The following PRKN variants were observed in gnomAD, a reference collection of about 807,000 sequenced individuals.
The protein encoded by PRKN is parkin RBR E3 ubiquitin protein ligase.
PRKN carries 56 observed loss-of-function variants against 59.5 expected under a neutral mutation model. That is an observed-to-expected ratio of 0.94 (90% confidence interval 0.76 to 1.18). The LOEUF is 1.18. Among genes scored for constraint, PRKN ranks in the 50% most tolerant of loss-of-function variants. PRKN has a pLI of 0.00. For synonymous variants in PRKN, 250 were observed against 222.1 expected (o/e 1.13, Z -1.12); for missense variants, 657 against 596.4 (o/e 1.10, Z -1.06).
At chr6:161,861,655 C>T (rs933731112) in intron 6 of PRKN, among the ~76,000 whole-genome samples, 3 of 151,322 alleles carry the variant, frequency 2.0e-5, no homozygotes, top group African/African-American at 4.9e-5. Context: ...TCAGTTGCAC[C>T]CCTTTTTCTT....
chr6:162,536,978 T>C (rs35931896), intron 1 of PRKN, among the ~76,000 whole-genome samples: 30,852 of 152,080 alleles, frequency 0.2, 3,288 homozygotes, highest in South Asian at 0.3. Context: ...ACCAATTGTA[T>C]GTTTTTAAAG....
At chr6:161,535,023 A>ACAT (rs1321998359) in intron 9 of PRKN, among the ~76,000 whole-genome samples, 3 of 152,254 alleles carry the variant, frequency 2.0e-5, no homozygotes, top group Non-Finnish European at 1.5e-5. Context: ...CAAAAGCTTT[A>ACAT]GTCTGTGGTA....
At chr6:161,997,152 T>C (rs1350627373) in intron 5 of PRKN, among the ~76,000 whole-genome samples, 1 of 152,202 alleles carries the variant, frequency 6.6e-6, no homozygotes, top group Non-Finnish European at 1.5e-5. Flanking sequence ...AATTCCATTC[T>C]ACTTCTTGGT....
chr6:161,971,897 G>C (rs1780823614), intron 6 of PRKN, among the ~76,000 whole-genome samples: 1 of 152,012 alleles, frequency 6.6e-6, no homozygotes, highest in South Asian at 2.1e-4. Context: ...AAATGATTAG[G>C]GTATATGACT....
intron 6 of PRKN, among the ~76,000 whole-genome samples, chr6:161,805,251 A>C (rs1319660933): frequency 6.6e-6 from 1 of 152,020 alleles, no homozygotes; most frequent in East Asian, 1.9e-4. Context: ...TCAACTTGAA[A>C]CTGCCTGTTC....
At chr6:161,977,533 GTTTTTTTGGT>G (rs1200693034) in intron 5 of PRKN, among the ~76,000 whole-genome samples, 1 of 80,672 alleles carries the variant, frequency 1.2e-5, no homozygotes, top group African/African-American at 4.9e-5. Context: ...TCTACTTTCT[GTTTTTTTGGT>G]TTTTTTTTTT....
Position 161,470,041 on chromosome 6 carries a change from A to AT in PRKN, c.1083+78812dup, listed in dbSNP as rs1486065309. Among the ~76,000 whole-genome samples, 1 of 152,194 alleles carries AT rather than the reference A, an allele frequency of 6.6e-6. No individual in the cohort carries two copies. The stretch of plus-strand genomic sequence containing the variant: ...CATCCAACATACATAGTTTCCTTCA[A>AT]TTCACCAAGGTAGGCACTCTTAAAA... On this transcript the variant is annotated intron_variant, in intron 9 of 11. Coordinates refer to ENST00000366898, the MANE Select transcript of PRKN (RefSeq NM_004562.3). The surrounding 1 kb of genome is among the most constrained non-coding windows in gnomAD (Gnocchi z 5.1).
At chr6:161,840,104 C>G (rs1401598056) in intron 6 of PRKN, among the ~76,000 whole-genome samples, 1 of 152,212 alleles carries the variant, frequency 6.6e-6, no homozygotes, top group Non-Finnish European at 1.5e-5. Flanking sequence ...AAGGGTTCAA[C>G]CCTCAACACA....
At chr6:161,387,004 T>C in intron 9 of PRKN, 127 bp from the exon 10 acceptor site, 1 of 783,818 alleles carries the variant, frequency 1.3e-6, no homozygotes, top group South Asian at 1.4e-5. Context: ...ATAAAAATAC[T>C]TTTTTTGCAA....
chr6:162,498,793 G>A (rs1793219219), intron 1 of PRKN, among the ~76,000 whole-genome samples: 1 of 151,226 alleles, frequency 6.6e-6, no homozygotes, highest in African/African-American at 2.5e-5. Context: ...GAAAGAAATT[G>A]TATTATTCTG....
intron 4 of PRKN, among the ~76,000 whole-genome samples, chr6:162,131,421 T>G (rs1052135902): frequency 1.3e-5 from 2 of 152,232 alleles, no homozygotes; most frequent in African/African-American, 4.8e-5. Flanking sequence ...TCTATAAAAA[T>G]CAGCCAATGA....
chr6:162,505,084 G>C lies in PRKN; in HGVS notation c.8-61611C>G, dbSNP rs553307297. ...AGAGCAATGAGCACTTCCATAAACT[G>C]CCAGTGGCCACGTAGGAGTTTATTT... On this transcript the variant is annotated intron_variant, in intron 1 of 11. Coordinates refer to ENST00000366898, the MANE Select transcript of PRKN (RefSeq NM_004562.3). 2.0e-5 allele frequency among the ~76,000 whole-genome samples: 3 copies of C among 152,242 alleles called. No individual in the cohort carries two copies. The South Asian group carries it at 6.2e-4, about 32-fold the overall frequency.
Position 162,265,598 on chromosome 6 carries a change from G to T in PRKN, c.172-2833C>A, listed in dbSNP as rs568530121. Among the ~76,000 whole-genome samples the T allele has an allele frequency of 5.3e-5, 8 of 152,270 alleles. No individual in the cohort carries two copies. In the South Asian group the frequency reaches 1.7e-3, roughly 32 times the overall value. ...CCCAGCTACTCAAGAGGCTGAGGCA[G>T]GAGAATCACTTAAACCCAGGAGGCG... On this transcript the variant is annotated intron_variant, in intron 2 of 11. Coordinates refer to ENST00000366898, the MANE Select transcript of PRKN (RefSeq NM_004562.3).
At chr6:162,673,118 T>C (rs1005380234) in intron 1 of PRKN, among the ~76,000 whole-genome samples, 4 of 152,164 alleles carry the variant, frequency 2.6e-5, no homozygotes, top group Admixed American at 1.3e-4. Context: ...TGCCCATCCA[T>C]TTATTTCTCC....
intron 5 of PRKN, among the ~76,000 whole-genome samples, chr6:162,010,253 A>C (rs1318101097): frequency 8.2e-6 from 1 of 121,990 alleles, no homozygotes; most frequent in Non-Finnish European, 1.7e-5. Flanking sequence ...TATTATACAT[A>C]ATATATATTT....
intron 6 of PRKN, among the ~76,000 whole-genome samples, chr6:161,935,735 G>A (rs1396062419): frequency 6.6e-6 from 1 of 152,088 alleles, no homozygotes; most frequent in Non-Finnish European, 1.5e-5. Context: ...CCAAAGAAAT[G>A]AGCAGTTTAC....
chr6:162,339,467 A>C (rs1784054158), intron 2 of PRKN, among the ~76,000 whole-genome samples: 1 of 139,240 alleles, frequency 7.2e-6, no homozygotes, highest in Non-Finnish European at 1.6e-5. Flanking sequence ...CCTACTGGGA[A>C]GTGAGGAGCC....
chr6:161,894,690 G>C (rs1230940818), intron 6 of PRKN, among the ~76,000 whole-genome samples: 1 of 152,164 alleles, frequency 6.6e-6, no homozygotes, highest in Non-Finnish European at 1.5e-5. Context: ...TTCTCTATGG[G>C]AACGTTTTCA....
In PRKN at chr6:162,442,668, T is replaced by C. The variant is rs111844433; in HGVS notation, c.171+642A>G. Among the ~76,000 whole-genome samples, 9 of 152,278 alleles carry C rather than the reference T, an allele frequency of 5.9e-5. No homozygotes were observed. The South Asian group carries it at 1.0e-3, about 18-fold the overall frequency. On this transcript the variant is annotated intron_variant, in intron 2 of 11. Coordinates refer to ENST00000366898, the MANE Select transcript of PRKN (RefSeq NM_004562.3). ...GAGAAGAGAGCATCGTTCACACTTA[T>C]TACGTTGCAGGGGCCTATTTCCAGG...
Sources: allele counts gnomAD v4.1 joint callset (sites outside exome capture counted in the v4.1 genomes callset), GRCh38; gene constraint gnomAD v4.1.1; non-coding constraint Gnocchi (gnomAD v3.1); transcripts MANE v1.5; gene names NCBI Gene and HGNC (gene_info 2026-07-23, HGNC 2026-07-21).